The following PLXDC2 variants were observed in gnomAD, a reference collection of about 807,000 sequenced individuals.
PLXDC2 encodes plexin domain-containing protein 2.
PLXDC2 carries 40 observed loss-of-function variants against 68.9 expected under a neutral mutation model. That is an observed-to-expected ratio of 0.58 (90% CI 0.45 to 0.76). The LOEUF (loss-of-function observed/expected upper bound fraction) is 0.76, where lower values mean the gene tolerates loss of function less well. Among genes scored for constraint, PLXDC2 ranks in the 30% least tolerant of loss-of-function variants. PLXDC2 has a pLI of 0.00. For missense variants in PLXDC2, 644 were observed against 661.9 expected, an observed-to-expected ratio of 0.97 and a Z score of 0.30; for synonymous variants, 243 against 234.2, an observed-to-expected ratio of 1.04 and a Z score of -0.34.
At chr10:20,227,585 G>A (rs1011544618) in intron 12 of PLXDC2, among the ~76,000 whole-genome samples, 1 of 152,108 alleles carries the variant, frequency 6.6e-6, no homozygotes, top group African/African-American at 2.4e-5. Context: ...GGCTGAGAAG[G>A]TGGGCTTGTT....
At chr10:20,207,529 T>C (rs188319024) in intron 9 of PLXDC2, among the ~76,000 whole-genome samples, 4 of 152,316 alleles carry the variant, frequency 2.6e-5, no homozygotes, top group East Asian at 3.9e-4. Context: ...GAATTACTTA[T>C]GGTTATGGTC....
chr10:20,247,882 A>G lies in PLXDC2; in HGVS notation c.1473+2377A>G, dbSNP rs77438939. Among the ~76,000 whole-genome samples the G allele has an allele frequency of 7.9e-3, 1,200 of 152,332 alleles. 8 individuals carry two copies. The highest frequency in any genetic ancestry group is 0.013 in the Non-Finnish European group (917 of 68,018). ...ATTTCAGAAATGGCATCTTCATTTG[A>G]TATCAGTAATTGAGATATTATCACG... On this transcript the variant is annotated intron_variant, in intron 13 of 13. Transcript: ENST00000377252.
intron 1 of PLXDC2, among the ~76,000 whole-genome samples, chr10:19,941,823 T>C (rs1266512486): frequency 6.6e-6 from 1 of 152,188 alleles, no homozygotes; most frequent in Non-Finnish European, 1.5e-5. Context: ...TGAGTTCTCA[T>C]TATGTACTGT....
chr10:19,943,243 CTT>C (rs61397731), intron 1 of PLXDC2, among the ~76,000 whole-genome samples: 311 of 150,366 alleles, frequency 2.1e-3, no homozygotes, highest in African/African-American at 6.9e-3. Flanking sequence ...TTTGATAGAA[CTT>C]TTTTTTTTTC....
At chr10:20,244,465 C>T (rs1039075646) in intron 12 of PLXDC2, among the ~76,000 whole-genome samples, 2 of 152,132 alleles carry the variant, frequency 1.3e-5, no homozygotes, top group Non-Finnish European at 2.9e-5. Flanking sequence ...TTTTCCTTTG[C>T]TGTGGCGCTC....
At chr10:19,884,318 T>G (rs561124959) in intron 1 of PLXDC2, among the ~76,000 whole-genome samples, 5 of 152,330 alleles carry the variant, frequency 3.3e-5, no homozygotes, top group Non-Finnish European at 7.4e-5. Flanking sequence ...CAAGAACTTC[T>G]TTAAAAATAT....
chr10:19,944,338 A>G (rs1833866763), intron 1 of PLXDC2, among the ~76,000 whole-genome samples: 1 of 151,722 alleles, frequency 6.6e-6, no homozygotes, highest in Non-Finnish European at 1.5e-5. Flanking sequence ...ATGAATTCAC[A>G]TGGATATGCC....
chr10:20,148,858 A>T (rs548881993), intron 6 of PLXDC2, among the ~76,000 whole-genome samples: 1 of 152,366 alleles, frequency 6.6e-6, no homozygotes, highest in African/African-American at 2.4e-5. Context: ...CCTTTGGTCA[A>T]ATCTTCTGAA....
intron 4 of PLXDC2, among the ~76,000 whole-genome samples, chr10:20,096,870 C>A (rs1429781597): frequency 6.6e-6 from 1 of 152,004 alleles, no homozygotes; most frequent in Non-Finnish European, 1.5e-5. Flanking sequence ...AAGTATTGAG[C>A]AAACAACCTA....
chr10:19,886,305 G>C (rs1368626378), intron 1 of PLXDC2, among the ~76,000 whole-genome samples: 2 of 152,080 alleles, frequency 1.3e-5, no homozygotes, highest in Non-Finnish European at 2.9e-5. Flanking sequence ...TGCAAACAGG[G>C]ACAATTTGAC....
intron 1 of PLXDC2, among the ~76,000 whole-genome samples, chr10:19,938,168 C>T (rs1375141190): frequency 6.6e-6 from 1 of 151,982 alleles, no homozygotes; most frequent in Non-Finnish European, 1.5e-5. Context: ...TTGCATAATC[C>T]CCTAGCACAG....
At chr10:20,058,854 A>T (rs761616215) in intron 3 of PLXDC2, among the ~76,000 whole-genome samples, 1 of 152,224 alleles carries the variant, frequency 6.6e-6, no homozygotes, top group Non-Finnish European at 1.5e-5. Flanking sequence ...TTTAGGGCAT[A>T]CAAGTGCTAC....
intron 13 of PLXDC2, among the ~76,000 whole-genome samples, chr10:20,271,597 A>C (rs1037643994): frequency 1.3e-5 from 2 of 152,118 alleles, no homozygotes; most frequent in Non-Finnish European, 2.9e-5. Flanking sequence ...GGAATAGAAA[A>C]ATATAGAAGA....
At chr10:20,096,396 A>G (rs560634338) in intron 4 of PLXDC2, among the ~76,000 whole-genome samples, 3 of 152,258 alleles carry the variant, frequency 2.0e-5, no homozygotes, top group Middle Eastern at 3.4e-3. Flanking sequence ...GAAGCCTAAA[A>G]ATGGGATGAA....
At chr10:20,252,560 A>T (rs777822937) in intron 13 of PLXDC2, among the ~76,000 whole-genome samples, 3 of 152,222 alleles carry the variant, frequency 2.0e-5, no homozygotes, top group Admixed American at 6.5e-5. Flanking sequence ...CATATTTTTT[A>T]AAAGTAGGAA....
intron 4 of PLXDC2, among the ~76,000 whole-genome samples, chr10:20,092,199 G>A (rs1833288772): frequency 6.6e-6 from 1 of 152,166 alleles, no homozygotes; most frequent in Admixed American, 6.5e-5. Context: ...ATAAGTAATT[G>A]AGGGGCAGGG....
chr10:20,060,811 G>C (rs971287874), intron 3 of PLXDC2, among the ~76,000 whole-genome samples: 1 of 152,106 alleles, frequency 6.6e-6, no homozygotes, highest in African/African-American at 2.4e-5. Context: ...AAGATTCCAG[G>C]TAGAAAACAG....
intron 2 of PLXDC2, among the ~76,000 whole-genome samples, chr10:20,043,145 T>C (rs1227371189): frequency 6.6e-6 from 1 of 152,164 alleles, no homozygotes; most frequent in Non-Finnish European, 1.5e-5. Context: ...ATTTTATGGT[T>C]TTTCTGAATA....
intron 1 of PLXDC2, among the ~76,000 whole-genome samples, chr10:19,990,695 G>A: frequency 6.6e-6 from 1 of 151,700 alleles, no homozygotes; most frequent in East Asian, 1.9e-4. Context: ...ATGTAATTTT[G>A]TTGATTGTGG....
Sources: allele counts gnomAD v4.1 joint callset (sites outside exome capture counted in the v4.1 genomes callset), GRCh38; gene constraint gnomAD v4.1.1; transcripts MANE v1.5; gene names NCBI Gene and HGNC (gene_info 2026-07-23, HGNC 2026-07-21).